PASK: variants seen among roughly 807,000 people sequenced by gnomAD.
The protein encoded by PASK is PAS domain-containing serine/threonine-protein kinase.
A neutral mutation model predicts 121.0 loss-of-function variants in PASK; 110 were observed. The ratio of observed to expected loss-of-function variants is 0.91; its 90% CI spans 0.78 to 1.06. PASK has a LOEUF of 1.06. Ranked by LOEUF, PASK falls within the 50% of genes least tolerant of loss-of-function variation. PASK has a pLI of 0.00. For missense variants in PASK, 1,643 were observed against 1,702.3 expected, an observed-to-expected ratio of 0.97 and a Z score of 0.61; for synonymous variants, 686 against 717.8, an observed-to-expected ratio of 0.96 and a Z score of 0.71.
At position 241,108,017 on chromosome 2, in the gene PASK, G is replaced by T; in HGVS notation, c.3667+150C>A. The T allele has an allele frequency of 1.2e-6, 1 of 840,752 alleles. No homozygotes were observed. The highest frequency in any genetic ancestry group is 2.0e-6 in the Non-Finnish European group (1 of 492,484). 52.1% of individuals were successfully genotyped at this position (840,752 alleles called of 1,614,324 possible). ...AACTAAATTATCAAGATGTTTTAAA[G>T]TCATATGCAAATTATTTGATGAATA... On this transcript the variant is annotated intron_variant, in intron 16 of 17. Transcript: ENST00000234040. The surrounding 1 kb of genome is among the most constrained non-coding windows in gnomAD (Gnocchi z 5.2).
rs537238288 is a variant in PASK, at chr2:241,121,346, T to G, written c.3072+1386A>C. ...TGAATTATATGGTATGTGAACTATA[T>G]CTCAATACCGATGCCAAAAATCATG... On this transcript the variant is annotated intron_variant, in intron 12 of 17. Coordinates refer to ENST00000234040, the MANE Select transcript of PASK (RefSeq NM_015148.4). 4.6e-5 allele frequency among the ~76,000 whole-genome samples: 7 copies of G among 152,312 alleles called. No homozygotes were observed. The South Asian group carries it at 1.4e-3, about 32-fold the overall frequency.
At chr2:241,123,727 C>T (rs533770815) in intron 11 of PASK, among the ~76,000 whole-genome samples, 39 of 151,004 alleles carry the variant, frequency 2.6e-4, no homozygotes, top group Non-Finnish European at 4.4e-4. Flanking sequence ...CTGAGGCGGG[C>T]GAATCACTTG....
intron 2 of PASK, among the ~76,000 whole-genome samples, chr2:241,141,244 G>A (rs748996172): frequency 1.3e-5 from 2 of 152,138 alleles, no homozygotes; most frequent in Non-Finnish European, 2.9e-5. Context: ...CTATGACTGC[G>A]CCACTGCACT....
intron 12 of PASK, among the ~76,000 whole-genome samples, chr2:241,116,026 G>C (rs367713041): frequency 1.1e-5 from 1 of 92,106 alleles, no homozygotes; most frequent in African/African-American, 5.7e-5. Flanking sequence ...ATCCCATTAC[G>C]CCAGGGCCAC....
rs540865300 is a variant in PASK at position 241,108,591 on chromosome 2, G to A, written c.3534-291C>T. On this transcript the variant is annotated intron_variant, in intron 15 of 17. Transcript: ENST00000234040. The surrounding 1 kb of genome is among the most constrained non-coding windows in gnomAD (Gnocchi z 5.2). Reference sequence around the variant, plus strand: ...AGACGTGTCTACCAGAGGGGGGAGCGGGGGGAGGGCTTCCTGGAGGAAGCA... The same window carrying A: ...AGACGTGTCTACCAGAGGGGGGAGCAGGGGGAGGGCTTCCTGGAGGAAGCA... The A allele has an allele frequency of 4.4e-5, 21 of 479,170 alleles. No individual in the cohort carries two copies. The highest frequency in any genetic ancestry group is 1.2e-4 in the East Asian group (3 of 24,122). The allele number at this position is 479,170 out of a possible 1,614,324, so 29.7% of individuals were successfully genotyped here.
rs751329411 is a variant in PASK at position 241,138,037 on chromosome 2, C to CA, written c.791dup (p.Ser265ValfsTer64). 2.5e-4 allele frequency: 410 copies of CA among 1,614,218 alleles called. No homozygotes were observed. The highest frequency in any genetic ancestry group is 8.2e-4 in the Middle Eastern group (5 of 6,062). On this transcript the variant is annotated frameshift_variant, in exon 6 of 18. Coordinates refer to ENST00000234040, the MANE Select transcript of PASK (RefSeq NM_015148.4). LOFTEE classifies it high-confidence loss of function. ...GCTGCCCAGCCACGTCCTCCCCAGA[C>CA]ACGTACCCGTGAAGATGAGCAAAGA...
Position 241,124,051 on chromosome 2 carries a change from G to T in PASK, c.2802C>A (p.His934Gln), listed in dbSNP as rs143318840. 33 of 1,613,620 alleles carry T rather than the reference G, an allele frequency of 2.0e-5. No homozygotes were observed. The highest frequency in any genetic ancestry group is 1.0e-4 in the Admixed American group (6 of 60,004). ...TCCTGGCGGCTGAGTCGCGTTGGCT[G>T]TGGAGGAGGTCTTTCACCAGCCAGC... ...FCCWLVKDLLHSQRDSAARTR... is the reference protein window; with the variant it reads ...FCCWLVKDLLQSQRDSAARTR... The change falls in exon 11 of 18, where the codon CAC becomes CAA. Residue 934 changes from histidine to glutamine, a missense_variant. Transcript: ENST00000234040.
In PASK at chr2:241,140,556, T is replaced by C. The variant is rs1462182311; in HGVS notation, c.394A>G (p.Lys132Glu). Reference protein sequence around the residue: ...LLPAPVCNPNKAIFTVDAKTT... With the variant: ...LLPAPVCNPNEAIFTVDAKTT... ...TTGGCATCCACCGTGAAGATGGCCT[T>C]GTTAGGGTTGCACACAGGGGCCGGA... Residue 132 changes from lysine to glutamate, a missense_variant, in exon 3 of 18, where the codon AAG becomes GAG. Coordinates refer to ENST00000234040, the MANE Select transcript of PASK (RefSeq NM_015148.4). 6.2e-7 allele frequency: 1 copy of C among 1,613,214 alleles called. No individual in the cohort carries two copies. Among genetic ancestry groups the C allele is most frequent in the Non-Finnish European group, 8.5e-7 (1 of 1,179,706 alleles).
Position 241,126,583 on chromosome 2 carries a change from C to T in PASK, c.2332G>A (p.Asp778Asn), listed in dbSNP as rs769254338. Residue 778 changes from aspartate to asparagine, a missense_variant, in exon 10 of 18, where the codon GAT becomes AAT. Asp to Asn is a conservative substitution (Grantham distance 23). This residue lies in a region of PASK where 1,176 missense variants were observed against 1,162.2 expected (regional missense o/e 1.01). Coordinates refer to ENST00000234040, the MANE Select transcript of PASK (RefSeq NM_015148.4). ...ETPSSLAVGS[D>N]PDVGSLQEQG... ...TCCTGGAGACTGCCTACATCTGGAT[C>T]GGAGCCCACTGCCAAGGAAGAGGGT... 28 of 1,614,110 alleles carry T rather than the reference C, an allele frequency of 1.7e-5. No individual in the cohort carries two copies. The highest frequency in any genetic ancestry group is 2.7e-5 in the African/African-American group (2 of 74,940).
intron 1 of PASK, among the ~76,000 whole-genome samples, chr2:241,144,274 A>G (rs1017407273): frequency 6.6e-6 from 1 of 152,206 alleles, no homozygotes; most frequent in African/African-American, 2.4e-5. Context: ...AAGCACTTGA[A>G]ACACAAGTAC....
At chr2:241,138,210 A>G in intron 5 of PASK, 123 bp from the exon 6 acceptor site, 1 of 942,340 alleles carries the variant, frequency 1.1e-6, no homozygotes, top group Non-Finnish European at 1.7e-6. Flanking sequence ...CGGAAGGGCA[A>G]GAGACATATA....
chr2:241,133,117 T>G, intron 8 of PASK, 87 bp from the exon 9 acceptor site: 2 of 1,330,862 alleles, frequency 1.5e-6, no homozygotes, highest in Non-Finnish European at 2.2e-6. Context: ...TCACTGAGAC[T>G]GCTTCACAGC....
intron 12 of PASK, among the ~76,000 whole-genome samples, chr2:241,116,484 G>A (rs2065374695): frequency 6.6e-6 from 1 of 152,170 alleles, no homozygotes; most frequent in South Asian, 2.1e-4. Flanking sequence ...ACGTCACCCC[G>A]ACTTCTCAAC....
At chr2:241,130,231 C>T (rs569825908) in intron 9 of PASK, among the ~76,000 whole-genome samples, 13 of 152,292 alleles carry the variant, frequency 8.5e-5, no homozygotes, top group South Asian at 2.1e-4. Context: ...AATGACTGAG[C>T]GGGGAATGAA....
At chr2:241,128,341 C>T (rs921061374) in intron 9 of PASK, among the ~76,000 whole-genome samples, 7 of 152,138 alleles carry the variant, frequency 4.6e-5, no homozygotes, top group Middle Eastern at 3.2e-3. Context: ...CTGGTGAGGG[C>T]GGCTCCTAAG....
chr2:241,116,297 G>A (rs370961183), intron 12 of PASK, among the ~76,000 whole-genome samples: 16 of 152,374 alleles, frequency 1.1e-4, no homozygotes, highest in African/African-American at 3.1e-4. Flanking sequence ...AACGCCTGCA[G>A]CACAAGGAAG....
chr2:241,120,815 A>G (rs1241608793), intron 12 of PASK, among the ~76,000 whole-genome samples: 11 of 152,264 alleles, frequency 7.2e-5, no homozygotes. Context: ...CATGAAGTGC[A>G]CTACTAGGTA....
At chr2:241,114,040 G>A in intron 14 of PASK, 1 of 983,888 alleles carries the variant, frequency 1.0e-6, no homozygotes, top group African/African-American at 1.7e-5. Context: ...ACTAGCCCCA[G>A]AATTAACAGC....
chr2:241,115,090 G>A lies in PASK; in HGVS notation c.3286C>T (p.Arg1096Cys), dbSNP rs144684431. 5.3e-5 allele frequency: 86 copies of A among 1,613,996 alleles called. No individual in the cohort carries two copies. Among genetic ancestry groups the A allele is most frequent in the African/African-American group, 4.9e-4 (37 of 74,908 alleles). ...AGGGGCTCATCCAGCCTGGGGTGGC[G>A]GTCGATGAAAGCGAAGAGGTCTAGG... ...SGLDLFAFID[R>C]HPRLDEPLAS... is the part of the protein sequence containing the mutation. Residue 1096 changes from arginine (R) to cysteine (C), a missense_variant, in exon 14 of 18, where the codon CGC becomes TGC. By Grantham distance (180) the Arg-to-Cys change is radical (BLOSUM62 -3). This residue lies in a region of PASK where 453 missense variants were observed against 511.2 expected (regional missense o/e 0.89). Coordinates refer to ENST00000234040, the MANE Select transcript of PASK (RefSeq NM_015148.4).
Sources: allele counts gnomAD v4.1 joint callset (sites outside exome capture counted in the v4.1 genomes callset), GRCh38; gene constraint gnomAD v4.1.1; regional missense constraint gnomAD v4.1.1; non-coding constraint Gnocchi (gnomAD v3.1); transcripts MANE v1.5; gene names NCBI Gene and HGNC (gene_info 2026-07-23, HGNC 2026-07-21).